Variants in CDH12 observed in about 807,000 individuals in gnomAD.
The protein encoded by CDH12 is cadherin 12, also known as cadherin-12.
A neutral mutation model predicts 74.1 loss-of-function variants in CDH12; 41 were observed. The ratio of observed to expected loss-of-function variants is 0.55; its 90% CI spans 0.43 to 0.72. The LOEUF is 0.72. Among genes scored for constraint, CDH12 ranks in the 30% least tolerant of loss-of-function variants. The pLI, the probability that CDH12 is intolerant of heterozygous loss-of-function variation, is 0.00. For missense variants in CDH12, 945 were observed against 977.2 expected (o/e 0.97, Z 0.44); for synonymous variants, 399 against 355.0 (o/e 1.12, Z -1.39).
chr5:21,989,938 T>C (rs1757678186), intron 5 of CDH12, among the ~76,000 whole-genome samples: 1 of 152,182 alleles, frequency 6.6e-6, no homozygotes, highest in East Asian at 1.9e-4. Flanking sequence ...TCACAATATT[T>C]GATAATGGAG....
intron 1 of CDH12, among the ~76,000 whole-genome samples, chr5:22,538,272 T>C (rs1737952041): frequency 1.3e-5 from 2 of 152,202 alleles, no homozygotes; most frequent in Non-Finnish European, 2.9e-5. Flanking sequence ...CTACTCCCTC[T>C]GGTCTCACAT....
intron 5 of CDH12, among the ~76,000 whole-genome samples, chr5:22,006,966 TAAAC>T (rs1218624523): frequency 6.6e-6 from 1 of 152,144 alleles, no homozygotes; most frequent in African/African-American, 2.4e-5. Context: ...CTATGAATCA[TAAAC>T]AAATAATTCA....
intron 4 of CDH12, among the ~76,000 whole-genome samples, chr5:22,105,965 A>C (rs1744416205): frequency 6.6e-6 from 1 of 152,188 alleles, no homozygotes; most frequent in African/African-American, 2.4e-5. Context: ...TATAGTTGTC[A>C]GATGTATTGT....
intron 9 of CDH12, among the ~76,000 whole-genome samples, chr5:21,813,447 T>A (rs1273232917): frequency 6.6e-6 from 1 of 151,970 alleles, no homozygotes; most frequent in Non-Finnish European, 1.5e-5. Context: ...TCCATTGCAC[T>A]CCAGCCTGGG....
intron 3 of CDH12, among the ~76,000 whole-genome samples, chr5:22,321,063 A>G (rs1738854952): frequency 6.6e-6 from 1 of 152,214 alleles, no homozygotes; most frequent in Non-Finnish European, 1.5e-5. Flanking sequence ...AATAATTATC[A>G]TTCTGTGAAA....
intron 1 of CDH12, among the ~76,000 whole-genome samples, chr5:22,558,022 G>T (rs1175245669): frequency 6.6e-6 from 1 of 152,044 alleles, no homozygotes; most frequent in East Asian, 1.9e-4. Context: ...ATTACAATAA[G>T]GGAAAACTCT....
At chr5:22,830,426 T>C (rs1451607576) in intron 1 of CDH12, among the ~76,000 whole-genome samples, 1 of 152,038 alleles carries the variant, frequency 6.6e-6, no homozygotes, top group East Asian at 1.9e-4. Context: ...GAATGAACCC[T>C]AATCAGAGTA....
At chr5:22,120,978 T>A (rs1745481002) in intron 4 of CDH12, among the ~76,000 whole-genome samples, 1 of 152,214 alleles carries the variant, frequency 6.6e-6, no homozygotes, top group Non-Finnish European at 1.5e-5. Context: ...ATTAAGCAAG[T>A]AAATATTTAG....
At chr5:22,044,077 GA>G (rs372924720) in intron 5 of CDH12, among the ~76,000 whole-genome samples, 2 of 150,942 alleles carry the variant, frequency 1.3e-5, no homozygotes, top group Admixed American at 6.6e-5. Context: ...CAAAGACATA[GA>G]AAAAAATCCT....
In CDH12 at chr5:22,120,303, AAAAAC is replaced by A. The variant is rs376994079; in HGVS notation, c.-186-41446_-186-41442del. Among the ~76,000 whole-genome samples the A allele has an allele frequency of 5.9e-3, 900 of 152,310 alleles. 8 individuals carry two copies. Among genetic ancestry groups the A allele is most frequent in the Non-Finnish European group, 9.4e-3 (636 of 68,020 alleles). On this transcript the variant is annotated intron_variant, in intron 4 of 14. Transcript: ENST00000382254. Reference sequence around the variant, plus strand: ...GGAATACCAGTAATACCAGGACAGAAAAAACAAATATACATATTCAGTGGAATTTC... The same window carrying A: ...GGAATACCAGTAATACCAGGACAGAAAAATATACATATTCAGTGGAATTTC...
At chr5:22,075,010 C>T (rs950550353) in intron 5 of CDH12, among the ~76,000 whole-genome samples, 3 of 152,150 alleles carry the variant, frequency 2.0e-5, no homozygotes, top group Non-Finnish European at 4.4e-5. Flanking sequence ...GACATGCACA[C>T]GTATGTTTAT....
intron 5 of CDH12, among the ~76,000 whole-genome samples, chr5:22,020,655 C>T (rs1252074500): frequency 6.6e-6 from 1 of 152,042 alleles, no homozygotes; most frequent in African/African-American, 2.4e-5. Context: ...TCACCTTCTC[C>T]CTTCATTCTC....
rs567228603 is a variant in CDH12 at position 22,216,085 on chromosome 5, T to C, written c.-332-3442A>G. Reference sequence around the variant, plus strand: ...TAGTGGAAAACCTAATGTCTTCCTTTTTACGTAAGTCCTATTGCTCCCCAC... The same window carrying C: ...TAGTGGAAAACCTAATGTCTTCCTTCTTACGTAAGTCCTATTGCTCCCCAC... On this transcript the variant is annotated intron_variant, in intron 3 of 14. Transcript: ENST00000382254. Among the ~76,000 whole-genome samples the C allele has an allele frequency of 1.4e-4, 22 of 152,184 alleles. No homozygotes were observed. The South Asian group carries it at 2.9e-3, about 20-fold the overall frequency.
At chr5:22,488,930 GAT>G (rs1746723265) in intron 2 of CDH12, among the ~76,000 whole-genome samples, 1 of 151,506 alleles carries the variant, frequency 6.6e-6, no homozygotes, top group South Asian at 2.1e-4. Flanking sequence ...CTTCCTTAAT[GAT>G]AGTCATTTCT....
At position 22,039,080 on chromosome 5, in the gene CDH12, T is replaced by C. The variant is rs573778390; in HGVS notation, c.231+39366A>G. On this transcript the variant is annotated intron_variant, in intron 5 of 14. Transcript: ENST00000382254. ...CTCCACATGGTGGTCATGCTGCCAC[T>C]GCACCTGGACTTACAGAGTCTGGGA... 1.8e-4 allele frequency among the ~76,000 whole-genome samples: 27 copies of C among 152,244 alleles called. No individual in the cohort carries two copies. In the East Asian group the frequency reaches 5.2e-3, roughly 30 times the overall value.
chr5:22,534,159 G>C (rs1228676544), intron 1 of CDH12, among the ~76,000 whole-genome samples: 1 of 151,918 alleles, frequency 6.6e-6, no homozygotes, highest in Non-Finnish European at 1.5e-5. Context: ...CAAAAGTGAG[G>C]CTCTGAGATT....
At chr5:22,433,321 A>T (rs1429278610) in intron 2 of CDH12, among the ~76,000 whole-genome samples, 1 of 152,206 alleles carries the variant, frequency 6.6e-6, no homozygotes, top group African/African-American at 2.4e-5. Context: ...TTGGCTGATT[A>T]ACAGAATAAA....
intron 1 of CDH12, among the ~76,000 whole-genome samples, chr5:22,815,201 G>T (rs1379696921): frequency 6.6e-6 from 1 of 152,024 alleles, no homozygotes; most frequent in East Asian, 1.9e-4. Context: ...AGTGAAGCAG[G>T]TTGCACAAAG....
chr5:21,893,897 T>C (rs1444429711), intron 6 of CDH12, among the ~76,000 whole-genome samples: 5 of 152,304 alleles, frequency 3.3e-5, no homozygotes, highest in Non-Finnish European at 4.4e-5. Flanking sequence ...AGGAATAAAG[T>C]TCTTTACAAC....
Sources: gnomAD v4.1 joint callset for allele counts (sites outside exome capture counted in the v4.1 genomes callset) on GRCh38, gnomAD v4.1.1 for gene constraint, MANE v1.5 for transcripts, NCBI Gene and HGNC (gene_info 2026-07-23, HGNC 2026-07-21) for gene names.